ADCK1: variants seen among roughly 807,000 people sequenced by gnomAD.
ADCK1 encodes the protein aarF domain-containing protein kinase 1.
In ADCK1, 41 loss-of-function variants were observed where a neutral mutation model predicts 52.3. The ratio of observed to expected loss-of-function variants is 0.78; its 90% confidence interval spans 0.61 to 1.02. ADCK1 has a LOEUF of 1.02. Ranked by LOEUF, ADCK1 falls within the 50% of genes least tolerant of loss-of-function variation. The pLI is 0.00. For synonymous variants in ADCK1, 250 were observed against 274.6 expected (o/e 0.91, Z 0.89); for missense variants, 658 against 679.5 (o/e 0.97, Z 0.35).
chr14:77,814,238 C>G (rs894448112), intron 1 of ADCK1, among the ~76,000 whole-genome samples: 2 of 151,902 alleles, frequency 1.3e-5, no homozygotes, highest in African/African-American at 2.4e-5. Flanking sequence ...GCCACCACAC[C>G]CAGCTGATTT....
chr14:77,819,261 C>T (rs2081531262), intron 2 of ADCK1, 148 bp downstream of exon 2: 6 of 1,088,582 alleles, frequency 5.5e-6, no homozygotes, highest in Non-Finnish European at 7.9e-6. Flanking sequence ...CACAGGTGTA[C>T]ACATATGGAT....
intron 5 of ADCK1, among the ~76,000 whole-genome samples, chr14:77,889,773 C>A (rs1170770132): frequency 1.3e-5 from 2 of 151,504 alleles, no homozygotes; most frequent in Non-Finnish European, 2.9e-5. Flanking sequence ...TAGGGATATC[C>A]CTGTTGGTCT....
chr14:77,882,958 C>G (rs2083062125), intron 4 of ADCK1, among the ~76,000 whole-genome samples: 1 of 16,364 alleles, frequency 6.1e-5, no homozygotes, highest in Non-Finnish European at 1.2e-4. Flanking sequence ...CTTACACCAC[C>G]CCCCCCCCCG....
At chr14:77,821,981 T>C (rs2081593337) in intron 2 of ADCK1, among the ~76,000 whole-genome samples, 1 of 152,124 alleles carries the variant, frequency 6.6e-6, no homozygotes, top group Non-Finnish European at 1.5e-5. Flanking sequence ...GGGCTAAGTT[T>C]ATGTAACAAC....
intron 3 of ADCK1, among the ~76,000 whole-genome samples, chr14:77,828,213 C>G (rs1394385510): frequency 1.3e-5 from 2 of 152,170 alleles, no homozygotes; most frequent in African/African-American, 4.8e-5. Context: ...ATTCACCTGC[C>G]TTGGCTTCCC....
rs1420170067 is a variant in ADCK1 at position 77,852,893 on chromosome 14, ATATATATATATATATTTTTTTT to A, written c.220-6181_220-6160del. Among the ~76,000 whole-genome samples, 105 of 29,662 alleles carry A rather than the reference ATATATATATATATATTTTTTTT, an allele frequency of 3.5e-3. 2 individuals are homozygous for A. Among genetic ancestry groups the A allele is most frequent in the Admixed American group, 0.016 (43 of 2,722 alleles). 19.5% of individuals were successfully genotyped at this position (29,662 alleles called of 152,430 possible). A position where few individuals can be genotyped will look rare whatever the true frequency, so the allele number is the denominator to read the frequency against. On this transcript the variant is annotated intron_variant, in intron 3 of 10. Transcript: ENST00000238561. ...TAATCTTTTATGTGTGTATATATAT[ATATATATATATATATTTTTTTT>A]TTTTTTTTTTTTTTTTAGAGACAGG... is the stretch of plus-strand genomic sequence containing the variant.
intron 8 of ADCK1, 41 bp downstream of exon 8, chr14:77,924,647 G>T (rs1278457991): frequency 1.9e-6 from 3 of 1,605,784 alleles, no homozygotes; most frequent in African/African-American, 1.3e-5. Flanking sequence ...GGCCTCTGGG[G>T]TTAGAGTCTG....
At chr14:77,907,246 A>G (rs1189171589) in intron 6 of ADCK1, among the ~76,000 whole-genome samples, 1 of 152,126 alleles carries the variant, frequency 6.6e-6, no homozygotes, top group African/African-American at 2.4e-5. Flanking sequence ...TCTAGGGAAG[A>G]GGAGGGTTGG....
intron 3 of ADCK1, among the ~76,000 whole-genome samples, chr14:77,844,585 G>A (rs963854332): frequency 2.6e-5 from 4 of 152,136 alleles, no homozygotes; most frequent in Non-Finnish European, 4.4e-5. Flanking sequence ...GAGCAGACTC[G>A]GTCTGTGTAA....
At chr14:77,903,996 C>A (rs1252335273) in intron 6 of ADCK1, among the ~76,000 whole-genome samples, 2 of 152,084 alleles carry the variant, frequency 1.3e-5, no homozygotes, top group Admixed American at 6.5e-5. Flanking sequence ...AGCTATCAAC[C>A]CTTTGGGCAG....
rs764146384 is a variant in ADCK1, at chr14:77,907,790, C to G, written c.742-13C>G. On this transcript the variant is annotated splice_polypyrimidine_tract_variant and intron_variant, in intron 6 of 10. Coordinates refer to ENST00000238561, the MANE Select transcript of ADCK1 (RefSeq NM_020421.4). ...CTTCCCCAGACCATCTGACCTGTCC[C>G]TTCCTATCCCAGGTCCCCCGAATCC... 3 of 1,606,094 alleles carry G rather than the reference C, an allele frequency of 1.9e-6. No homozygotes were observed. Among genetic ancestry groups the G allele is most frequent in the South Asian group, 2.2e-5 (2 of 90,454 alleles).
chr14:77,906,679 T>C (rs1194378584), intron 6 of ADCK1, among the ~76,000 whole-genome samples: 1 of 152,246 alleles, frequency 6.6e-6, no homozygotes, highest in Admixed American at 6.5e-5. Flanking sequence ...TAAATTTTTT[T>C]ATTTTTCCTC....
chr14:77,847,570 A>G (rs1180790129), intron 3 of ADCK1, among the ~76,000 whole-genome samples: 1 of 152,178 alleles, frequency 6.6e-6, no homozygotes, highest in African/African-American at 2.4e-5. Flanking sequence ...ACTGTCTCAA[A>G]CAAACAAAAA....
chr14:77,849,451 C>CT (rs992935272), intron 3 of ADCK1, among the ~76,000 whole-genome samples: 9 of 151,808 alleles, frequency 5.9e-5, no homozygotes, highest in Admixed American at 2.6e-4. Flanking sequence ...AGTTTTCTTT[C>CT]TTTTTTTTGA....
chr14:77,803,789 C>G (rs1184184444), intron 1 of ADCK1, among the ~76,000 whole-genome samples: 2 of 152,204 alleles, frequency 1.3e-5, no homozygotes, highest in Non-Finnish European at 2.9e-5. Context: ...CCCACAGCAA[C>G]AGTTGCATTT....
intron 4 of ADCK1, among the ~76,000 whole-genome samples, chr14:77,866,797 G>C (rs187331834): frequency 1.3e-5 from 2 of 152,250 alleles, no homozygotes; most frequent in Admixed American, 1.3e-4. Context: ...TGGTGGGGCC[G>C]GGTGTGGGCT....
At chr14:77,868,872 C>T (rs2082717532) in intron 4 of ADCK1, among the ~76,000 whole-genome samples, 1 of 152,192 alleles carries the variant, frequency 6.6e-6, no homozygotes, top group Admixed American at 6.5e-5. Flanking sequence ...GTGCCCCTCC[C>T]TCCAAAGCCA....
At chr14:77,932,152 G>A (rs562799873) in intron 10 of ADCK1, among the ~76,000 whole-genome samples, 5 of 152,036 alleles carry the variant, frequency 3.3e-5, no homozygotes, top group African/African-American at 1.2e-4. Flanking sequence ...GAATTCAAGC[G>A]ATTCTCCTGC....
At chr14:77,803,550 A>G (rs534727160) in intron 1 of ADCK1, among the ~76,000 whole-genome samples, 1 of 152,272 alleles carries the variant, frequency 6.6e-6, no homozygotes, top group Non-Finnish European at 1.5e-5. Flanking sequence ...TCATTTTCAT[A>G]ACCTACTGGG....
Sources: allele counts gnomAD v4.1 joint callset (sites outside exome capture counted in the v4.1 genomes callset), GRCh38; gene constraint gnomAD v4.1.1; transcripts MANE v1.5; gene names NCBI Gene and HGNC (gene_info 2026-07-23, HGNC 2026-07-21).